The following CSMD1 variants were observed in gnomAD, a reference collection of about 807,000 sequenced individuals.
CSMD1 encodes the protein CUB and sushi domain-containing protein 1.
In CSMD1, 213 loss-of-function variants were observed where a neutral mutation model predicts 417.5. That is an observed-to-expected ratio of 0.51 (90% CI 0.46 to 0.57). The LOEUF is 0.57. CSMD1 is among the 20% of genes least tolerant of loss of function. CSMD1 has a pLI of 0.00. For synonymous variants in CSMD1, 2,862 were observed against 1,736.8 expected (o/e 1.65, Z -16.11); for missense variants, 6,923 against 4,529.7 (o/e 1.53, Z -15.17).
At chr8:4,741,179 G>T (rs891635081) in intron 1 of CSMD1, among the ~76,000 whole-genome samples, 10 of 151,994 alleles carry the variant, frequency 6.6e-5, no homozygotes, top group African/African-American at 2.2e-4. Flanking sequence ...ACTTATGTAA[G>T]TGTCAGAGGC....
chr8:4,915,239 T>A (rs988602460), intron 1 of CSMD1, among the ~76,000 whole-genome samples: 1 of 152,178 alleles, frequency 6.6e-6, no homozygotes. Context: ...AAAATATGTA[T>A]AACAAGAAAA....
intron 61 of CSMD1, 118 bp from the exon 62 acceptor site, chr8:2,961,332 A>C (rs905641317): frequency 2.7e-5 from 13 of 483,026 alleles, no homozygotes; most frequent in African/African-American, 2.4e-4. Context: ...AGAAATGTGC[A>C]AGATGTTTTT....
At chr8:3,181,998 C>G (rs974049368) in intron 36 of CSMD1, among the ~76,000 whole-genome samples, 1 of 152,000 alleles carries the variant, frequency 6.6e-6, no homozygotes, top group Non-Finnish European at 1.5e-5. Context: ...GATGTATGTT[C>G]AATACTCTAG....
chr8:3,294,241 G>A lies in CSMD1; in HGVS notation c.3951-9895C>T, dbSNP rs551628246. Among the ~76,000 whole-genome samples the A allele has an allele frequency of 4.1e-3, 628 of 152,206 alleles. 4 individuals are homozygous for A. Among genetic ancestry groups the A allele is most frequent in the African/African-American group, 0.014 (600 of 41,562 alleles). On this transcript the variant is annotated intron_variant, in intron 25 of 69. Coordinates refer to ENST00000635120, the MANE Select transcript of CSMD1 (RefSeq NM_033225.6). ...GGTGTCTGTTGGCCCCTACTGGGGG[G>A]TGCCTCCCAGTTAGGCTACTCAGGG... is the stretch of plus-strand genomic sequence containing the variant.
chr8:3,552,618 G>A (rs12716596), intron 10 of CSMD1, among the ~76,000 whole-genome samples: 72,360 of 151,966 alleles, frequency 0.48, 17,695 homozygotes, highest in East Asian at 0.55. Flanking sequence ...GAGGACTCAA[G>A]TGTAACGCGT....
At chr8:3,806,698 T>C (rs1431862331) in intron 5 of CSMD1, among the ~76,000 whole-genome samples, 1 of 152,164 alleles carries the variant, frequency 6.6e-6, no homozygotes, top group Non-Finnish European at 1.5e-5. Context: ...CAAAACAATC[T>C]AATGAGAGGT....
At chr8:3,985,354 T>C (rs66507476) in intron 5 of CSMD1, among the ~76,000 whole-genome samples, 41,793 of 152,100 alleles carry the variant, frequency 0.27, 5,781 homozygotes, top group East Asian at 0.38. Flanking sequence ...ACAGATTGCA[T>C]TGTTTTGTTT....
intron 51 of CSMD1, among the ~76,000 whole-genome samples, chr8:3,022,565 A>G (rs1809531531): frequency 6.6e-6 from 1 of 152,200 alleles, no homozygotes; most frequent in Non-Finnish European, 1.5e-5. Context: ...GTATTGTGAC[A>G]TATCAGTTCT....
intron 5 of CSMD1, among the ~76,000 whole-genome samples, chr8:3,903,572 T>C (rs1294911229): frequency 6.6e-6 from 1 of 152,190 alleles, no homozygotes; most frequent in Non-Finnish European, 1.5e-5. Context: ...TGTAGAATAT[T>C]ACGGTGCCTT....
At chr8:3,814,998 A>C (rs1225045563) in intron 5 of CSMD1, among the ~76,000 whole-genome samples, 1 of 152,248 alleles carries the variant, frequency 6.6e-6, no homozygotes, top group African/African-American at 2.4e-5. Context: ...TTACTAAATT[A>C]CAATAGTTAC....
intron 1 of CSMD1, among the ~76,000 whole-genome samples, chr8:4,725,179 A>G (rs1809345814): frequency 6.6e-6 from 1 of 152,172 alleles, no homozygotes; most frequent in Non-Finnish European, 1.5e-5. Flanking sequence ...AAAACAATAA[A>G]AGTCAGAGAA....
intron 1 of CSMD1, among the ~76,000 whole-genome samples, chr8:4,764,565 T>A (rs1460882091): frequency 6.6e-6 from 1 of 152,068 alleles, no homozygotes; most frequent in Admixed American, 6.5e-5. Context: ...CAAGCTGCTC[T>A]CTAAAAATAT....
At chr8:4,719,860 G>C (rs1808936806) in intron 1 of CSMD1, among the ~76,000 whole-genome samples, 1 of 151,992 alleles carries the variant, frequency 6.6e-6, no homozygotes, top group Non-Finnish European at 1.5e-5. Flanking sequence ...TATAAAATAT[G>C]GGAAAGGACT....
At chr8:3,384,837 A>G (rs1426327872) in intron 18 of CSMD1, among the ~76,000 whole-genome samples, 2 of 122,908 alleles carry the variant, frequency 1.6e-5, no homozygotes, top group African/African-American at 6.4e-5. Flanking sequence ...AAAATAGTAT[A>G]CATATTTATA....
At chr8:3,206,255 G>A (rs796076340) in intron 30 of CSMD1, among the ~76,000 whole-genome samples, 19 of 100,462 alleles carry the variant, frequency 1.9e-4, no homozygotes, top group African/African-American at 6.8e-4. Context: ...TGGGGGGTAT[G>A]TATGTGTGGG....
chr8:3,349,331 C>T (rs552248998), intron 21 of CSMD1, among the ~76,000 whole-genome samples: 5 of 152,254 alleles, frequency 3.3e-5, no homozygotes, highest in Admixed American at 3.3e-4. Context: ...CATCACTGGC[C>T]ATGATATCCT....
At chr8:4,646,046 C>A (rs1352623117) in intron 1 of CSMD1, among the ~76,000 whole-genome samples, 5 of 152,134 alleles carry the variant, frequency 3.3e-5, no homozygotes, top group African/African-American at 1.2e-4. Context: ...TGGAAATAAA[C>A]GATTTTTTTG....
chr8:3,554,913 G>A (rs182930353), intron 10 of CSMD1, among the ~76,000 whole-genome samples: 27 of 152,090 alleles, frequency 1.8e-4, no homozygotes, highest in Non-Finnish European at 3.5e-4. Context: ...CAGTAACCTG[G>A]CAAGCAGCCA....
intron 2 of CSMD1, among the ~76,000 whole-genome samples, chr8:4,438,737 A>G (rs1453863686): frequency 2.6e-5 from 4 of 152,230 alleles, no homozygotes; most frequent in African/African-American, 7.2e-5. Flanking sequence ...ACCTGCAAAT[A>G]TTTGGTTACA....
Sources: allele counts gnomAD v4.1 joint callset (sites outside exome capture counted in the v4.1 genomes callset), GRCh38; gene constraint gnomAD v4.1.1; transcripts MANE v1.5; gene names NCBI Gene and HGNC (gene_info 2026-07-23, HGNC 2026-07-21).